Variants in CDK14 observed in about 807,000 individuals in gnomAD.
CDK14 encodes cyclin dependent kinase 14, also known as cyclin-dependent kinase 14.
A neutral mutation model predicts 60.7 loss-of-function variants in CDK14; 34 were observed. The ratio of observed to expected loss-of-function variants is 0.56; its 90% CI spans 0.43 to 0.75. The LOEUF is 0.75. Among genes scored for constraint, CDK14 ranks in the 30% least tolerant of loss-of-function variants. CDK14 has a pLI of 0.00. For missense variants in CDK14, 482 were observed against 564.1 expected (o/e 0.85, Z 1.47); for synonymous variants, 197 against 203.7 (o/e 0.97, Z 0.28).
intron 14 of CDK14, among the ~76,000 whole-genome samples, chr7:91,169,919 A>T (rs1227710314): frequency 6.6e-6 from 1 of 152,210 alleles, no homozygotes; most frequent in Non-Finnish European, 1.5e-5. Context: ...TTCTTTTCAC[A>T]TACAGTACCC....
intron 14 of CDK14, among the ~76,000 whole-genome samples, chr7:91,202,913 TG>T (rs1802775945): frequency 1.3e-5 from 2 of 152,238 alleles, no homozygotes; most frequent in South Asian, 4.1e-4. Flanking sequence ...ATTCTGTTTA[TG>T]CCCTAGGTTA....
intron 2 of CDK14, among the ~76,000 whole-genome samples, chr7:90,629,508 G>T (rs1397859086): frequency 6.6e-6 from 1 of 152,102 alleles, no homozygotes; most frequent in Non-Finnish European, 1.5e-5. Flanking sequence ...GAGTGGTACT[G>T]CCCTCTAATG....
intron 9 of CDK14, among the ~76,000 whole-genome samples, chr7:90,959,306 A>T (rs894880091): frequency 4.6e-5 from 7 of 152,160 alleles, no homozygotes; most frequent in African/African-American, 1.7e-4. Context: ...AATCTATGTT[A>T]TATCTATGGT....
intron 4 of CDK14, among the ~76,000 whole-genome samples, chr7:90,757,490 GT>G (rs1185317359): frequency 6.6e-6 from 1 of 151,770 alleles, no homozygotes; most frequent in Non-Finnish European, 1.5e-5. Context: ...TGACAGTGTT[GT>G]TCTTTTTCTG....
chr7:91,039,587 A>AAGTT (rs1797031790), intron 10 of CDK14, among the ~76,000 whole-genome samples: 1 of 152,142 alleles, frequency 6.6e-6, no homozygotes, highest in African/African-American at 2.4e-5. Context: ...CCTACTCTAG[A>AAGTT]AGTTATCTAC....
intron 5 of CDK14, among the ~76,000 whole-genome samples, chr7:90,792,660 C>T (rs750935807): frequency 1.3e-5 from 2 of 152,170 alleles, no homozygotes; most frequent in East Asian, 3.9e-4. Flanking sequence ...CCACTGCCAC[C>T]CCTAGTCCAG....
rs182589921 is a variant in CDK14, at chr7:91,205,557, T to G, written c.*29-1608T>G. 1.7e-3 allele frequency among the ~76,000 whole-genome samples: 259 copies of G among 152,318 alleles called. 2 individuals are homozygous for G. Among genetic ancestry groups the G allele is most frequent in the Non-Finnish European group, 1.3e-3 (90 of 68,018 alleles). ...ACAAGGAGAGAATGGGAGTGACTGC[T>G]TAAAGGATATAGGATCTCCTTTGGG... On this transcript the variant is annotated intron_variant, in intron 14 of 14. Transcript: ENST00000380050.
chr7:91,067,275 A>G (rs1316778869), intron 11 of CDK14, among the ~76,000 whole-genome samples: 1 of 152,208 alleles, frequency 6.6e-6, no homozygotes, highest in Non-Finnish European at 1.5e-5. Context: ...TAAAATAAAA[A>G]TTTTATTCTA....
chr7:90,811,921 C>A (rs1399430773), intron 5 of CDK14, among the ~76,000 whole-genome samples: 3 of 152,162 alleles, frequency 2.0e-5, no homozygotes, highest in African/African-American at 7.2e-5. Context: ...AATGAGATAC[C>A]ATCTCACACC....
intron 10 of CDK14, among the ~76,000 whole-genome samples, chr7:91,012,211 C>G (rs920146230): frequency 6.6e-6 from 1 of 152,096 alleles, no homozygotes; most frequent in Non-Finnish European, 1.5e-5. Context: ...CTTTTTAGCC[C>G]TGTAAACAAT....
intron 2 of CDK14, among the ~76,000 whole-genome samples, chr7:90,613,295 G>A (rs544643643): frequency 1.3e-5 from 2 of 152,318 alleles, no homozygotes; most frequent in African/African-American, 4.8e-5. Context: ...TCTTTCCGTT[G>A]TGAGCACCCT....
intron 5 of CDK14, among the ~76,000 whole-genome samples, chr7:90,851,886 G>T (rs1432244094): frequency 2.6e-5 from 4 of 151,918 alleles, no homozygotes; most frequent in African/African-American, 7.3e-5. Flanking sequence ...GCAGTGGTGT[G>T]ATCATAGTCA....
chr7:90,995,402 A>T (rs1012528169), intron 10 of CDK14, among the ~76,000 whole-genome samples: 1 of 152,198 alleles, frequency 6.6e-6, no homozygotes, highest in Admixed American at 6.5e-5. Flanking sequence ...CCCTCATGAA[A>T]GACTGAGCCA....
chr7:91,076,041 C>T (rs1335502941), intron 11 of CDK14, among the ~76,000 whole-genome samples: 2 of 151,458 alleles, frequency 1.3e-5, no homozygotes, highest in Admixed American at 1.3e-4. Context: ...TGGCCATACT[C>T]CCCAAAGTAA....
intron 2 of CDK14, among the ~76,000 whole-genome samples, chr7:90,670,519 C>T (rs1416993262): frequency 3.3e-5 from 5 of 152,118 alleles, no homozygotes; most frequent in Admixed American, 6.6e-5. Flanking sequence ...AATTGGCTCA[C>T]GATTTTGCAG....
chr7:90,730,822 T>C (rs1802832110), intron 3 of CDK14, among the ~76,000 whole-genome samples: 1 of 152,246 alleles, frequency 6.6e-6, no homozygotes, highest in Non-Finnish European at 1.5e-5. Context: ...ACTCTGATGA[T>C]AGTTTCTTTT....
intron 14 of CDK14, among the ~76,000 whole-genome samples, chr7:91,185,912 A>G (rs1802163885): frequency 6.6e-6 from 1 of 151,974 alleles, no homozygotes; most frequent in Non-Finnish European, 1.5e-5. Context: ...ACTTCCCCCA[A>G]ACCCCCACAG....
At chr7:91,025,288 A>C (rs1489004319) in intron 10 of CDK14, among the ~76,000 whole-genome samples, 1 of 152,154 alleles carries the variant, frequency 6.6e-6, no homozygotes, top group Non-Finnish European at 1.5e-5. Flanking sequence ...GTCTAAAATC[A>C]GCCACAGATG....
intron 5 of CDK14, among the ~76,000 whole-genome samples, chr7:90,827,524 G>A (rs898910403): frequency 6.6e-6 from 1 of 152,192 alleles, no homozygotes; most frequent in African/African-American, 2.4e-5. Context: ...TGAAGGTCAA[G>A]AAAAACACAC....
Sources: gnomAD v4.1 joint callset for allele counts (sites outside exome capture counted in the v4.1 genomes callset) on GRCh38, gnomAD v4.1.1 for gene constraint, MANE v1.5 for transcripts, NCBI Gene and HGNC (gene_info 2026-07-23, HGNC 2026-07-21) for gene names.